Variants in MAGI2 observed in about 807,000 individuals in gnomAD.
MAGI2 encodes the protein membrane associated guanylate kinase, WW and PDZ domain containing 2.
MAGI2 carries 35 observed loss-of-function variants against 133.3 expected under a neutral mutation model. That is an observed-to-expected ratio of 0.26 (90% CI 0.20 to 0.35). The LOEUF is 0.35. MAGI2 is among the 10% of genes least tolerant of loss of function. The pLI is 1.00. For synonymous variants in MAGI2, 729 were observed against 710.6 expected (o/e 1.03, Z -0.41); for missense variants, 1,636 against 1,863.4 (o/e 0.88, Z 2.25).
At chr7:78,242,830 C>A (rs1457062700) in intron 10 of MAGI2, among the ~76,000 whole-genome samples, 1 of 152,106 alleles carries the variant, frequency 6.6e-6, no homozygotes, top group African/African-American at 2.4e-5. Context: ...GTAATCCCAG[C>A]ACTTTGGGAG....
chr7:78,756,813 A>C (rs1823990757), intron 2 of MAGI2, among the ~76,000 whole-genome samples: 1 of 152,114 alleles, frequency 6.6e-6, no homozygotes. Flanking sequence ...CAGTCACTTT[A>C]ACGTATTCAC....
chr7:78,181,346 C>T (rs1827171101), intron 13 of MAGI2, among the ~76,000 whole-genome samples: 1 of 152,162 alleles, frequency 6.6e-6, no homozygotes, highest in Non-Finnish European at 1.5e-5. Flanking sequence ...ACCTGAGTTG[C>T]TTTGCATGTT....
At chr7:78,282,123 A>G (rs554403145) in intron 9 of MAGI2, among the ~76,000 whole-genome samples, 1 of 152,262 alleles carries the variant, frequency 6.6e-6, no homozygotes, top group African/African-American at 2.4e-5. Context: ...ACTATAAAGC[A>G]TGTGTAGTAC....
chr7:78,368,560 A>G (rs1793613055), intron 7 of MAGI2, among the ~76,000 whole-genome samples: 1 of 152,136 alleles, frequency 6.6e-6, no homozygotes, highest in African/African-American at 2.4e-5. Flanking sequence ...TGATTTCCCA[A>G]GAAAAATATG....
At position 78,669,833 on chromosome 7, in the gene MAGI2, T is replaced by A. The variant is rs1480970745; in HGVS notation, c.419-42594A>T. ...CAAAGACAAAAACCACATGATTATC[T>A]CAATAGATGCAGAAAAGGCCTTTGA... On this transcript the variant is annotated intron_variant, in intron 2 of 21. Coordinates refer to ENST00000354212, the MANE Select transcript of MAGI2 (RefSeq NM_012301.4). Among the ~76,000 whole-genome samples, 49 of 152,282 alleles carry A rather than the reference T, an allele frequency of 3.2e-4. 1 individual carries two copies. Among genetic ancestry groups the A allele is most frequent in the African/African-American group, 1.1e-3 (47 of 41,518 alleles).
chr7:79,319,844 G>A (rs1839033351), intron 1 of MAGI2, among the ~76,000 whole-genome samples: 1 of 152,144 alleles, frequency 6.6e-6, no homozygotes, highest in Non-Finnish European at 1.5e-5. Flanking sequence ...CAAGGAGATA[G>A]ACATGATTGA....
chr7:78,224,393 C>T (rs1563286940), intron 10 of MAGI2, among the ~76,000 whole-genome samples: 4 of 152,192 alleles, frequency 2.6e-5, no homozygotes, highest in Admixed American at 6.5e-5. Context: ...TGACCAGGCG[C>T]GGTGGCTCAT....
intron 1 of MAGI2, among the ~76,000 whole-genome samples, chr7:79,181,470 G>A (rs1461924909): frequency 6.6e-6 from 1 of 151,880 alleles, no homozygotes; most frequent in African/African-American, 2.4e-5. Context: ...GAGCAGCTGG[G>A]ACACAGAGCA....
At chr7:78,890,556 A>G (rs1243546309) in intron 2 of MAGI2, among the ~76,000 whole-genome samples, 1 of 152,138 alleles carries the variant, frequency 6.6e-6, no homozygotes, top group African/African-American at 2.4e-5. Context: ...TCAAACTAGA[A>G]CTCAGGATTA....
At chr7:78,499,055 AAACAACAACAACAAC>A (rs147914906) in intron 5 of MAGI2, among the ~76,000 whole-genome samples, 146 of 150,480 alleles carry the variant, frequency 9.7e-4, no homozygotes, top group Non-Finnish European at 1.9e-3. Context: ...CTACAAACTC[AAACAACAACAACAAC>A]AACAACAACA....
At chr7:79,214,947 A>G (rs1829899134) in intron 1 of MAGI2, among the ~76,000 whole-genome samples, 1 of 148,738 alleles carries the variant, frequency 6.7e-6, no homozygotes, top group Non-Finnish European at 1.5e-5. Flanking sequence ...ATATAAACAT[A>G]TGTTTATATA....
At chr7:78,852,590 T>C (rs1426183342) in intron 2 of MAGI2, among the ~76,000 whole-genome samples, 2 of 152,194 alleles carry the variant, frequency 1.3e-5, no homozygotes, top group African/African-American at 4.8e-5. Context: ...TTTTTTTCCA[T>C]ATGCAGAATC....
intron 2 of MAGI2, among the ~76,000 whole-genome samples, chr7:78,701,720 C>A (rs993685012): frequency 6.6e-6 from 1 of 151,888 alleles, no homozygotes; most frequent in Non-Finnish European, 1.5e-5. Context: ...CTGGCCTTGG[C>A]CTCATACGGG....
Position 78,545,674 on chromosome 7 carries a change from C to T in MAGI2, c.539-24029G>A, listed in dbSNP as rs553736553. On this transcript the variant is annotated intron_variant, in intron 3 of 21. Transcript: ENST00000354212. ...ATACATGGTAAGAGTATTTTGTCCA[C>T]TCTGCTAAACTTGTAACCACAACAT... Among the ~76,000 whole-genome samples the T allele has an allele frequency of 3.3e-5, 5 of 152,246 alleles. No homozygotes were observed. The East Asian group carries it at 9.7e-4, about 29-fold the overall frequency.
chr7:78,289,551 C>G (rs562815909), intron 9 of MAGI2, among the ~76,000 whole-genome samples: 1 of 152,270 alleles, frequency 6.6e-6, no homozygotes, highest in East Asian at 1.9e-4. Flanking sequence ...AGGAGAACTT[C>G]CCCAACATAG....
intron 1 of MAGI2, among the ~76,000 whole-genome samples, chr7:79,360,496 T>C (rs560711791): frequency 6.6e-6 from 1 of 152,232 alleles, no homozygotes; most frequent in East Asian, 1.9e-4. Context: ...ATTTTTCTCA[T>C]GAATTTATAA....
intron 2 of MAGI2, among the ~76,000 whole-genome samples, chr7:78,823,437 G>T (rs1008238472): frequency 6.6e-6 from 1 of 152,066 alleles, no homozygotes; most frequent in Non-Finnish European, 1.5e-5. Context: ...CAAAAAATTA[G>T]CTGGGCGTGG....
intron 1 of MAGI2, among the ~76,000 whole-genome samples, chr7:79,110,430 A>G (rs938039187): frequency 1.3e-5 from 2 of 152,178 alleles, no homozygotes; most frequent in African/African-American, 4.8e-5. Context: ...GAGCCTTAAG[A>G]TTTAATGACT....
At chr7:78,805,900 C>T (rs1302664320) in intron 2 of MAGI2, among the ~76,000 whole-genome samples, 3 of 152,162 alleles carry the variant, frequency 2.0e-5, no homozygotes, top group Non-Finnish European at 4.4e-5. Context: ...TCACAGCAGT[C>T]CTGGCAAACA....
Sources: gnomAD v4.1 joint callset for allele counts (sites outside exome capture counted in the v4.1 genomes callset) on GRCh38, gnomAD v4.1.1 for gene constraint, MANE v1.5 for transcripts, NCBI Gene and HGNC (gene_info 2026-07-23, HGNC 2026-07-21) for gene names.